Variants in ELAVL2 observed in about 807,000 individuals in gnomAD.
ELAVL2 encodes the protein ELAV like RNA binding protein 2, also known as ELAV-like protein 2.
A neutral mutation model predicts 34.6 loss-of-function variants in ELAVL2; 4 were observed. The observed-to-expected ratio is 0.12, with a 90% CI of 0.06 to 0.26. The LOEUF (loss-of-function observed/expected upper bound fraction) is 0.26. ELAVL2 is among the 10% of genes least tolerant of loss of function. The probability of loss-of-function intolerance (pLI) is 1.00; values close to 1 mark genes in which losing one functional copy is unlikely to be tolerated. For missense variants in ELAVL2, 432 were observed against 442.8 expected (o/e 0.98, Z 0.22); for synonymous variants, 193 against 154.8 (o/e 1.25, Z -1.83).
At chr9:23,739,538 C>T (rs1171921022) in intron 2 of ELAVL2, among the ~76,000 whole-genome samples, 2 of 152,132 alleles carry the variant, frequency 1.3e-5, no homozygotes, top group Admixed American at 6.5e-5. Flanking sequence ...GATCCGCCAC[C>T]GCCCCTACCC....
intron 1 of ELAVL2, among the ~76,000 whole-genome samples, chr9:23,763,257 G>A (rs1180281474): frequency 2.6e-5 from 4 of 152,084 alleles, no homozygotes; most frequent in Admixed American, 1.3e-4. Flanking sequence ...AACTGTTCAG[G>A]CTACTCTACA....
intron 3 of ELAVL2, among the ~76,000 whole-genome samples, chr9:23,706,988 T>C (rs2039532181): frequency 6.6e-6 from 1 of 152,240 alleles, no homozygotes; most frequent in Admixed American, 6.5e-5. Flanking sequence ...AGTGAAAATA[T>C]ACCTGTTGTT....
intron 1 of ELAVL2, among the ~76,000 whole-genome samples, chr9:23,801,340 G>C (rs1162770754): frequency 6.6e-6 from 1 of 151,998 alleles, no homozygotes; most frequent in Admixed American, 6.6e-5. Flanking sequence ...AAGCTACAAG[G>C]GATTTCAAAA....
intron 2 of ELAVL2, among the ~76,000 whole-genome samples, chr9:23,753,753 G>A (rs921949367): frequency 1.3e-5 from 2 of 152,030 alleles, no homozygotes; most frequent in African/African-American, 4.8e-5. Flanking sequence ...CCAATCTCCT[G>A]ATGCAAAGTA....
In ELAVL2 at chr9:23,719,903, G is replaced by A. The variant is rs561953592; in HGVS notation, c.333+11119C>T. ...TATAATGGTGTGATCTCAGCTTACT[G>A]CAACTTCCGCCTCCCGGGTTCAAGG... is the stretch of plus-strand genomic sequence containing the variant. On this transcript the variant is annotated intron_variant, in intron 3 of 6. Coordinates refer to ENST00000397312, the MANE Select transcript of ELAVL2 (RefSeq NM_004432.5). 5.5e-5 allele frequency among the ~76,000 whole-genome samples: 8 copies of A among 145,028 alleles called. No individual in the cohort carries two copies. In the South Asian group the frequency reaches 1.5e-3, roughly 28 times the overall value.
At chr9:23,765,008 C>T in intron 1 of ELAVL2, 1 of 1,609,602 alleles carries the variant, frequency 6.2e-7, no homozygotes, top group Non-Finnish European at 8.5e-7. Flanking sequence ...ATCCCACAGA[C>T]CCCGGTCCAA....
chr9:23,779,031 G>A (rs2058670778), intron 1 of ELAVL2, among the ~76,000 whole-genome samples: 1 of 152,156 alleles, frequency 6.6e-6, no homozygotes, highest in South Asian at 2.1e-4. Flanking sequence ...CCAATGAAGT[G>A]CTTTATCCCC....
At chr9:23,738,232 C>G (rs184025604) in intron 2 of ELAVL2, among the ~76,000 whole-genome samples, 12 of 152,300 alleles carry the variant, frequency 7.9e-5, no homozygotes, top group Admixed American at 2.6e-4. Context: ...TACCACACAG[C>G]AGGGAAAAGG....
intron 1 of ELAVL2, chr9:23,821,853 G>A (rs1285284028): frequency 1.3e-5 from 2 of 151,422 alleles, no homozygotes; most frequent in East Asian, 2.0e-4. Flanking sequence ...GTTTGTAGCG[G>A]GGCGGGAAGG....
chr9:23,731,112 T>A lies in ELAVL2; in HGVS notation c.243A>T (p.Gly81=). ...GGTCAATGTAGTTCACAAAGCCATA[T>A]CCCAAGCTCTGCCCTAATGAAAAGG... ...VRDKITGQSL[G]YGFVNYIDPK... Residue 81 remains glycine, a synonymous_variant, in exon 3 of 7, where the codon GGA becomes GGT. Coordinates refer to ENST00000397312, the MANE Select transcript of ELAVL2 (RefSeq NM_004432.5). 1 of 1,612,694 alleles carries A rather than the reference T, an allele frequency of 6.2e-7. No homozygotes were observed. Among genetic ancestry groups the A allele is most frequent in the Non-Finnish European group, 8.5e-7 (1 of 1,179,220 alleles).
At chr9:23,698,898 C>G (rs887195514) in intron 5 of ELAVL2, among the ~76,000 whole-genome samples, 1 of 152,104 alleles carries the variant, frequency 6.6e-6, no homozygotes. Context: ...CACACTAACT[C>G]GTTCATATTT....
intron 3 of ELAVL2, among the ~76,000 whole-genome samples, chr9:23,722,561 C>A (rs1404496024): frequency 6.6e-6 from 1 of 152,178 alleles, no homozygotes; most frequent in African/African-American, 2.4e-5. Flanking sequence ...GACAAAGACA[C>A]TCAAAGGCCC....
At chr9:23,833,477 A>T in the ELAVL2 span, among the ~76,000 whole-genome samples, 1 of 151,998 alleles carries the variant, frequency 6.6e-6, no homozygotes, top group East Asian at 1.9e-4. Context: ...GAAAAGATAC[A>T]CTGTCACCAA....
intron 5 of ELAVL2, among the ~76,000 whole-genome samples, chr9:23,697,420 G>C (rs1366422125): frequency 6.6e-6 from 1 of 152,110 alleles, no homozygotes; most frequent in Non-Finnish European, 1.5e-5. Flanking sequence ...AAGATATTAG[G>C]TACATGGAAA....
upstream of ELAVL2, among the ~76,000 whole-genome samples, chr9:23,826,845 C>T (rs2065328084): frequency 6.6e-6 from 1 of 152,064 alleles, no homozygotes; most frequent in Non-Finnish European, 1.5e-5. Flanking sequence ...GATTTGTGTT[C>T]AGTACTGTAT....
chr9:23,783,557 A>C, intron 1 of ELAVL2: 1 of 941,104 alleles, frequency 1.1e-6, no homozygotes, highest in Non-Finnish European at 1.3e-6. Context: ...TCACCACTAA[A>C]AGGACACAGA....
intron 1 of ELAVL2, among the ~76,000 whole-genome samples, chr9:23,806,174 AATT>A: frequency 1.3e-5 from 2 of 152,338 alleles, no homozygotes; most frequent in Middle Eastern, 6.8e-3. Context: ...AAATATTAAC[AATT>A]TTTATTAACT....
the ELAVL2 span, among the ~76,000 whole-genome samples, chr9:23,842,143 C>T: frequency 5.3e-5 from 8 of 152,108 alleles, no homozygotes; most frequent in South Asian, 2.1e-4. Context: ...GTTTCCAAAA[C>T]GTGGCTCTTT....
upstream of ELAVL2, chr9:23,830,309 C>A (rs2065457520): frequency 6.6e-6 from 1 of 152,104 alleles, no homozygotes; most frequent in African/African-American, 2.4e-5. Context: ...GCGAAAGATT[C>A]TTTACATTGC....
Sources: gnomAD v4.1 joint callset for allele counts (sites outside exome capture counted in the v4.1 genomes callset) on GRCh38, gnomAD v4.1.1 for gene constraint, MANE v1.5 for transcripts, NCBI Gene and HGNC (gene_info 2026-07-23, HGNC 2026-07-21) for gene names.